SH2D3C: variants seen among roughly 807,000 people sequenced by gnomAD.
SH2D3C encodes SH2 domain-containing protein 3C.
SH2D3C carries 25 observed loss-of-function variants against 75.2 expected under a neutral mutation model. The observed-to-expected ratio is 0.33, with a 90% CI of 0.24 to 0.46. The LOEUF is 0.46. Among genes scored for constraint, SH2D3C ranks in the 20% least tolerant of loss-of-function variants. The pLI is 1.00. For synonymous variants in SH2D3C, 450 were observed against 473.7 expected (o/e 0.95, Z 0.65); for missense variants, 933 against 1,165.3 (o/e 0.80, Z 2.90).
At chr9:127,747,487 T>C (rs1259697858) in intron 5 of SH2D3C, among the ~76,000 whole-genome samples, 1 of 152,128 alleles carries the variant, frequency 6.6e-6, no homozygotes, top group African/African-American at 2.4e-5. Context: ...CCCTGGTGGC[T>C]AGAACGCCTG....
Position 127,751,354 on chromosome 9 carries a change from C to G in SH2D3C, c.556-54G>C. 1.3e-6 allele frequency: 2 copies of G among 1,574,472 alleles called. No individual in the cohort carries two copies. The highest frequency in any genetic ancestry group is 1.3e-5 in the African/African-American group (1 of 74,342). Reference sequence around the variant, plus strand: ...CCAACTTAAAGTCTCCTTCTTCTTTCCCTCCCAACTTCATTCTACCATGGA... The same window carrying G: ...CCAACTTAAAGTCTCCTTCTTCTTTGCCTCCCAACTTCATTCTACCATGGA... On this transcript the variant is annotated intron_variant, in intron 3 of 11. Transcript: ENST00000314830. The surrounding 1 kb of genome is among the most constrained non-coding windows in gnomAD (Gnocchi z 4.1).
chr9:127,766,970 G>A (rs1207892184), intron 2 of SH2D3C: 3 of 1,536,066 alleles, frequency 2.0e-6, no homozygotes, highest in Admixed American at 2.0e-5. Flanking sequence ...TGGGCAAAAA[G>A]AGCTGGGTGG....
intron 3 of SH2D3C, among the ~76,000 whole-genome samples, chr9:127,755,978 C>G (rs1845369153): frequency 6.6e-6 from 1 of 152,226 alleles, no homozygotes; most frequent in African/African-American, 2.4e-5. Context: ...TAAGTGCACG[C>G]TATTATTTTC....
intron 2 of SH2D3C, among the ~76,000 whole-genome samples, chr9:127,765,293 C>A (rs1845612539): frequency 6.6e-6 from 1 of 152,216 alleles, no homozygotes; most frequent in Admixed American, 6.5e-5. Flanking sequence ...TCTGCCCTGA[C>A]CCCTCATCTG....
chr9:127,740,783 C>T (rs1056233498), intron 9 of SH2D3C, among the ~76,000 whole-genome samples: 5 of 152,198 alleles, frequency 3.3e-5, no homozygotes, highest in Non-Finnish European at 5.9e-5. Context: ...TGGCTTCACG[C>T]GATTCTCCTG....
Position 127,741,909 on chromosome 9 carries a change from C to G in SH2D3C, c.1967G>C (p.Gly656Ala). Residue 656 changes from glycine (G) to alanine (A), a missense_variant, in exon 9 of 12, where the codon GGC becomes GCC. Coordinates refer to ENST00000314830, the MANE Select transcript of SH2D3C (RefSeq NM_170600.3). ...MLAVDILGCT[G>A]SAEERAALLH... Reference sequence around the variant, plus strand: ...CAGCGCTGCCCGCTCCTCCGCAGAGCCGGTGCAGCCCAGGATGTCCACGGC... The same window carrying G: ...CAGCGCTGCCCGCTCCTCCGCAGAGGCGGTGCAGCCCAGGATGTCCACGGC... 1.9e-6 allele frequency: 3 copies of G among 1,613,022 alleles called. No individual in the cohort carries two copies. The highest frequency in any genetic ancestry group is 2.5e-6 in the Non-Finnish European group (3 of 1,179,954).
rs539666044 is a variant in SH2D3C at position 127,777,999 on chromosome 9, AT to A, written c.37+591del. Among the ~76,000 whole-genome samples the A allele has an allele frequency of 3.8e-3, 574 of 151,578 alleles. 2 individuals are homozygous for A. Among genetic ancestry groups the A allele is most frequent in the African/African-American group, 0.013 (554 of 41,348 alleles). On this transcript the variant is annotated intron_variant, in intron 1 of 11. Coordinates refer to ENST00000314830, the MANE Select transcript of SH2D3C (RefSeq NM_170600.3). ...TTTATTTTACTTTATTTATTTACTT[AT>A]TTTTTGAGATGCAGTCTCGCTGTGT...
intron 1 of SH2D3C, among the ~76,000 whole-genome samples, chr9:127,776,864 G>A (rs1163572724): frequency 6.6e-6 from 1 of 152,226 alleles, no homozygotes; most frequent in Non-Finnish European, 1.5e-5. Context: ...TTGGTCTCCT[G>A]AGAAACGTGT....
At position 127,762,320 on chromosome 9, in the gene SH2D3C, C is replaced by T. The variant is rs1000371394; in HGVS notation, c.516-670G>A. 24 of 1,299,184 alleles carry T rather than the reference C, an allele frequency of 1.8e-5. No homozygotes were observed. The Admixed American group carries it at 3.7e-4, about 20-fold the overall frequency. The allele number at this position is 1,299,184 out of a possible 1,614,324, so 80.5% of individuals were successfully genotyped here. A position where few individuals can be genotyped will look rare whatever the true frequency, so the allele number is the denominator to read the frequency against. On this transcript the variant is annotated intron_variant, in intron 2 of 11. Transcript: ENST00000314830. The stretch of plus-strand genomic sequence containing the variant: ...GTGAACCACTCCCCCCACCGCATGG[C>T]CTTAAATGCTACCCCTACCCTCAGG...
chr9:127,750,158 GTTATTATTA>G lies in SH2D3C; in HGVS notation c.685-502_685-494del, dbSNP rs563771370. Among the ~76,000 whole-genome samples, 5 of 148,712 alleles carry G rather than the reference GTTATTATTA, an allele frequency of 3.4e-5. No individual in the cohort carries two copies. In the East Asian group the frequency reaches 5.9e-4, roughly 17 times the overall value. On this transcript the variant is annotated intron_variant, in intron 4 of 11. Coordinates refer to ENST00000314830, the MANE Select transcript of SH2D3C (RefSeq NM_170600.3). ...GAACTTCTTTATTATTATTATTATT[GTTATTATTA>G]TTATTATTATTATTAAGATGGAGTC...
Position 127,738,924 on chromosome 9 carries a change from G to T in SH2D3C, c.2408-3C>A. 6.4e-7 allele frequency: 1 copy of T among 1,568,588 alleles called. No homozygotes were observed. The highest frequency in any genetic ancestry group is 8.7e-7 in the Non-Finnish European group (1 of 1,155,578). The stretch of plus-strand genomic sequence containing the variant: ...GAGCTCCGGCCGGGCCTGGAACCCT[G>T]CAGTGTTGGGGCATAGGGTCAGGGC... On this transcript the variant is annotated splice_region_variant and splice_polypyrimidine_tract_variant and intron_variant, in intron 11 of 11. Coordinates refer to ENST00000314830, the MANE Select transcript of SH2D3C (RefSeq NM_170600.3). This position sits in a 1 kb window ranked among gnomAD's most constrained non-coding sequence, Gnocchi z 5.0.
At chr9:127,742,089 A>G (rs879696617) in intron 8 of SH2D3C, 130 bp from the exon 9 acceptor site, 2 of 855,574 alleles carry the variant, frequency 2.3e-6, no homozygotes, top group Non-Finnish European at 3.5e-6. Context: ...GTAAGGGTCA[A>G]TGGGATAAGG....
At chr9:127,770,441 C>T (rs148474785) in intron 2 of SH2D3C, among the ~76,000 whole-genome samples, 1 of 152,212 alleles carries the variant, frequency 6.6e-6, no homozygotes, top group African/African-American at 2.4e-5. Context: ...TCAGGCCCAT[C>T]TGGGCTACTG....
chr9:127,740,432 C>T, intron 9 of SH2D3C, 63 bp from the exon 10 acceptor site: 2 of 1,179,640 alleles, frequency 1.7e-6, no homozygotes, highest in South Asian at 1.2e-5. Flanking sequence ...ACCCTGCTGC[C>T]CTGCTGAGTG....
chr9:127,748,607 G>A (rs1220651848), intron 5 of SH2D3C, among the ~76,000 whole-genome samples: 1 of 152,228 alleles, frequency 6.6e-6, no homozygotes, highest in Non-Finnish European at 1.5e-5. Context: ...CCACCTCCCA[G>A]GAGGAAATGG....
At chr9:127,777,464 C>T (rs1183060787) in intron 1 of SH2D3C, among the ~76,000 whole-genome samples, 9 of 149,014 alleles carry the variant, frequency 6.0e-5, no homozygotes, top group Non-Finnish European at 1.3e-4. Flanking sequence ...CCCCCATCCC[C>T]CTGCCGCCCC....
At chr9:127,740,043 G>A (rs768317576) in intron 10 of SH2D3C, among the ~76,000 whole-genome samples, 155 bp from the exon 11 acceptor site, 4 of 152,136 alleles carry the variant, frequency 2.6e-5, no homozygotes, top group Non-Finnish European at 5.9e-5. Context: ...CCTTTCTTTC[G>A]GATTCCCCCA....
intron 3 of SH2D3C, among the ~76,000 whole-genome samples, chr9:127,757,946 C>T (rs1845437594): frequency 6.6e-6 from 1 of 152,038 alleles, no homozygotes; most frequent in South Asian, 2.1e-4. Context: ...CAGGCGTGAG[C>T]CACTGCACCC....
At chr9:127,772,856 C>G (rs1435401511) in intron 2 of SH2D3C, among the ~76,000 whole-genome samples, 8 of 149,842 alleles carry the variant, frequency 5.3e-5, no homozygotes, top group African/African-American at 2.0e-4. Context: ...TTTTTCAAGA[C>G]TGAGTCTTGC....
Sources: allele counts gnomAD v4.1 joint callset (sites outside exome capture counted in the v4.1 genomes callset), GRCh38; gene constraint gnomAD v4.1.1; non-coding constraint Gnocchi (gnomAD v3.1); transcripts MANE v1.5; gene names NCBI Gene and HGNC (gene_info 2026-07-23, HGNC 2026-07-21).